The following PARM1 variants were observed in gnomAD, a reference collection of about 807,000 sequenced individuals.
PARM1 encodes WSC4, cell wall integrity and stress response component 4 homolog.
PARM1 carries 14 observed loss-of-function variants against 24.6 expected under a neutral mutation model. That is an observed-to-expected ratio of 0.57 (90% confidence interval 0.38 to 0.89). The LOEUF (loss-of-function observed/expected upper bound fraction) is 0.89. Among genes scored for constraint, PARM1 ranks in the 40% least tolerant of loss-of-function variants. PARM1 has a pLI of 0.00. For synonymous variants in PARM1, 179 were observed against 156.6 expected (o/e 1.14, Z -1.07); for missense variants, 362 against 380.4 (o/e 0.95, Z 0.40).
chr4:74,957,349 AAT>A (rs1351491609), intron 1 of PARM1: 1 of 152,220 alleles, frequency 6.6e-6, no homozygotes, highest in Non-Finnish European at 1.5e-5. Context: ...TCTGGGCTTT[AAT>A]GTCTCCATCT....
At chr4:75,025,591 T>G (rs896051118) in intron 2 of PARM1, among the ~76,000 whole-genome samples, 4 of 152,168 alleles carry the variant, frequency 2.6e-5, no homozygotes, top group Non-Finnish European at 5.9e-5. Context: ...CCGTCATGTG[T>G]GCCTGGTTTG....
intron 1 of PARM1, among the ~76,000 whole-genome samples, chr4:74,976,362 G>C (rs1722138324): frequency 6.6e-6 from 1 of 152,172 alleles, no homozygotes; most frequent in African/African-American, 2.4e-5. Context: ...TCTTTAGGTG[G>C]GACCTGAATC....
rs925675286 is a variant in PARM1, at chr4:75,047,048, G to C, written c.*801G>C. 6.6e-5 allele frequency: 10 copies of C among 152,496 alleles called. No individual in the cohort carries two copies. The highest frequency in any genetic ancestry group is 2.4e-4 in the African/African-American group (10 of 41,472). The allele number at this position is 152,496 out of a possible 1,614,324, so 9.4% of individuals were successfully genotyped here. A position where few individuals can be genotyped will look rare whatever the true frequency, so the allele number is the denominator to read the frequency against. On this transcript the variant is annotated 3_prime_UTR_variant, in exon 4 of 4. Transcript: ENST00000307428. ...AGGCTATGAGATGAGCTGAGTTATA[G>C]AGAGAAAGGGAGAGGCATGTACGGT...
rs985252183 is a variant in PARM1 at position 75,047,692 on chromosome 4, T to C, written c.*1445T>C. On this transcript the variant is annotated 3_prime_UTR_variant, in exon 4 of 4. Coordinates refer to ENST00000307428, the MANE Select transcript of PARM1 (RefSeq NM_015393.4). ...CCCCAAAATATCAGTAGTGCCGAGA[T>C]TGAGAAACCCTGATTTATCACAATG... is the stretch of plus-strand genomic sequence containing the variant. The C allele has an allele frequency of 6.6e-6, 1 of 152,194 alleles. No homozygotes were observed. The highest frequency in any genetic ancestry group is 2.4e-5 in the African/African-American group (1 of 41,456). The allele number at this position is 152,194 out of a possible 1,614,324, so 9.4% of individuals were successfully genotyped here.
chr4:75,012,861 C>T lies in PARM1; in HGVS notation c.480C>T (p.Ser160=). The change falls in exon 2 of 4, where the codon TCC becomes TCT. Residue 160 remains serine (S), a synonymous_variant. Coordinates refer to ENST00000307428, the MANE Select transcript of PARM1 (RefSeq NM_015393.4). ...SPQAPASSPS[S]LSTSPPEVFS... is the part of the protein sequence containing the mutation. ...AAGCTCCAGCCTCATCACCCTCATC[C>T]CTATCAACCTCACCACCTGAGGTCT... 1.2e-6 allele frequency: 2 copies of T among 1,613,964 alleles called. No individual in the cohort carries two copies. Among genetic ancestry groups the T allele is most frequent in the Non-Finnish European group, 1.7e-6 (2 of 1,179,896 alleles).
chr4:74,958,742 T>C (rs1469047681), intron 1 of PARM1, among the ~76,000 whole-genome samples: 1 of 152,206 alleles, frequency 6.6e-6, no homozygotes, highest in East Asian at 1.9e-4. Flanking sequence ...CCCTGAATCT[T>C]GTTTTTCTCA....
chr4:74,954,559 C>T (rs1371462966), intron 1 of PARM1, among the ~76,000 whole-genome samples: 1 of 152,208 alleles, frequency 6.6e-6, no homozygotes, highest in Non-Finnish European at 1.5e-5. Flanking sequence ...TAGATTGAAT[C>T]TTGCTGTACA....
intron 3 of PARM1, among the ~76,000 whole-genome samples, chr4:75,037,214 A>G (rs918282467): frequency 6.6e-5 from 10 of 152,330 alleles, no homozygotes; most frequent in African/African-American, 2.2e-4. Flanking sequence ...AAAAACAATA[A>G]CATAACAAAA....
At chr4:75,046,024 T>C in intron 3 of PARM1, 139 bp from the exon 4 acceptor site, 2 of 595,998 alleles carry the variant, frequency 3.4e-6, no homozygotes, top group Non-Finnish European at 6.1e-6. Flanking sequence ...GGTGGGTGGG[T>C]CTGCTGTCCT....
intron 3 of PARM1, among the ~76,000 whole-genome samples, chr4:75,037,550 T>A (rs911149563): frequency 1.3e-5 from 2 of 152,214 alleles, no homozygotes; most frequent in Admixed American, 1.3e-4. Context: ...CCCCTAGTTT[T>A]GTCACAATGA....
At chr4:75,035,565 T>C (rs1301694126) in intron 3 of PARM1, among the ~76,000 whole-genome samples, 1 of 152,176 alleles carries the variant, frequency 6.6e-6, no homozygotes, top group Non-Finnish European at 1.5e-5. Flanking sequence ...ACATATCCAC[T>C]CTGCTGCTGC....
At chr4:74,951,268 G>A (rs542064117) in intron 1 of PARM1, among the ~76,000 whole-genome samples, 74 of 152,248 alleles carry the variant, frequency 4.9e-4, no homozygotes, top group African/African-American at 1.6e-3. Context: ...TTACAACACC[G>A]TATCATTTAC....
chr4:74,942,670 A>G (rs1056528995), intron 1 of PARM1, among the ~76,000 whole-genome samples: 6 of 152,170 alleles, frequency 3.9e-5, no homozygotes, highest in Admixed American at 3.3e-4. Flanking sequence ...ACAGAATCCA[A>G]CCACGTTTTG....
intron 1 of PARM1, among the ~76,000 whole-genome samples, chr4:75,001,248 G>C (rs1722674809): frequency 6.6e-6 from 1 of 152,002 alleles, no homozygotes; most frequent in African/African-American, 2.4e-5. Context: ...TTGTAGAATG[G>C]GAAAAAATTG....
At chr4:74,983,328 A>T (rs1193770717) in intron 1 of PARM1, among the ~76,000 whole-genome samples, 3 of 152,164 alleles carry the variant, frequency 2.0e-5, no homozygotes, top group Non-Finnish European at 4.4e-5. Context: ...AACTATTTTG[A>T]GGGGGAGATC....
chr4:74,985,566 C>T (rs1276753784), intron 1 of PARM1, among the ~76,000 whole-genome samples: 3 of 152,188 alleles, frequency 2.0e-5, no homozygotes, highest in Non-Finnish European at 2.9e-5. Flanking sequence ...AGGTCATAAG[C>T]AACTTGCCCA....
At position 75,030,475 on chromosome 4, in the gene PARM1, T is replaced by TA. The variant is rs574519723; in HGVS notation, c.770-3400dup. Among the ~76,000 whole-genome samples, 10 of 151,842 alleles carry TA rather than the reference T, an allele frequency of 6.6e-5. No individual in the cohort carries two copies. The South Asian group carries it at 1.0e-3, about 16-fold the overall frequency. ...CCCATTTATTCTGGTCCTGGGCCAT[T>TA]AAAAAAAAGTGGCAAAATGCAACCC... On this transcript the variant is annotated intron_variant, in intron 2 of 3. Transcript: ENST00000307428.
In PARM1 at chr4:74,966,349, G is replaced by A. The variant is rs545546958; in HGVS notation, c.43+32979G>A. ...CAGGCTCAACTCTAAATACAATAAA[G>A]ACAAATAAGGATTTATAACCAATGA... On this transcript the variant is annotated intron_variant, in intron 1 of 3. Transcript: ENST00000307428. 3.9e-5 allele frequency among the ~76,000 whole-genome samples: 6 copies of A among 152,238 alleles called. No individual in the cohort carries two copies. The East Asian group carries it at 9.6e-4, about 24-fold the overall frequency.
Position 75,015,525 on chromosome 4 carries a change from A to G in PARM1, c.769+2375A>G, listed in dbSNP as rs140421289. 1.1e-3 allele frequency among the ~76,000 whole-genome samples: 174 copies of G among 152,350 alleles called. 1 individual carries two copies. Among genetic ancestry groups the G allele is most frequent in the African/African-American group, 4.0e-3 (166 of 41,584 alleles). On this transcript the variant is annotated intron_variant, in intron 2 of 3. Coordinates refer to ENST00000307428, the MANE Select transcript of PARM1 (RefSeq NM_015393.4). ...ATCAAAAAATATTTAGATTGCATTTACCAAGACCCTCTTCTTCATGAAAAC... is the reference window on the plus strand; with the variant it reads ...ATCAAAAAATATTTAGATTGCATTTGCCAAGACCCTCTTCTTCATGAAAAC...
Sources: allele counts gnomAD v4.1 joint callset (sites outside exome capture counted in the v4.1 genomes callset), GRCh38; gene constraint gnomAD v4.1.1; transcripts MANE v1.5; gene names NCBI Gene and HGNC (gene_info 2026-07-23, HGNC 2026-07-21).